The following ITPRIP variants were observed in gnomAD, a reference collection of about 807,000 sequenced individuals.
ITPRIP encodes inositol 1,4,5-trisphosphate receptor interacting protein, also known as inositol 1,4,5-trisphosphate receptor-interacting protein.
In ITPRIP, 32 loss-of-function variants were observed where a neutral mutation model predicts 35.8. The observed-to-expected ratio is 0.89, with a 90% confidence interval of 0.68 to 1.20. The LOEUF (loss-of-function observed/expected upper bound fraction) is 1.20, where lower values mean the gene tolerates loss of function less well. Ranked by LOEUF, ITPRIP falls within the 50% of genes most tolerant of loss-of-function variation. ITPRIP has a pLI of 0.00. For missense variants in ITPRIP, 653 were observed against 735.6 expected, an observed-to-expected ratio of 0.89 and a Z score of 1.30; for synonymous variants, 358 against 324.0, an observed-to-expected ratio of 1.11 and a Z score of -1.13.
At chr10:104,320,103 T>C (rs1370273197) in intron 1 of ITPRIP, among the ~76,000 whole-genome samples, 1 of 152,204 alleles carries the variant, frequency 6.6e-6, no homozygotes, top group African/African-American at 2.4e-5. Flanking sequence ...ATCTACATTC[T>C]GTACAGAATC....
At chr10:104,327,467 C>A (rs2014049627) in intron 1 of ITPRIP, among the ~76,000 whole-genome samples, 1 of 152,174 alleles carries the variant, frequency 6.6e-6, no homozygotes, top group South Asian at 2.1e-4. Context: ...CTGCACCTCC[C>A]CACCATTCCT....
intron 1 of ITPRIP, among the ~76,000 whole-genome samples, chr10:104,330,605 C>A (rs1323439144): frequency 6.6e-6 from 1 of 152,220 alleles, no homozygotes. Context: ...AGAGAAGGAG[C>A]AGAGAAGTAA....
rs370025233 is a variant in ITPRIP, at chr10:104,314,822, C to T, written c.1230G>A (p.Gln410=). ...GCTTGGAGAGCAGGAAGGATGCTAT[C>T]TGCAGGCAGCTGAGGTGGCAGGCGC... The part of the protein sequence containing the change: ...PEGACHLSCL[Q]IASFLLSKQS... The change falls in exon 2 of 2, where the codon CAG becomes CAA. Residue 410 remains glutamine, a synonymous_variant. Transcript: ENST00000337478. 15 of 1,613,794 alleles carry T rather than the reference C, an allele frequency of 9.3e-6. No individual in the cohort carries two copies. In the African/African-American group the frequency reaches 1.9e-4, roughly 20 times the overall value.
intron 1 of ITPRIP, among the ~76,000 whole-genome samples, chr10:104,317,080 ATCC>A (rs1481386904): frequency 2.0e-5 from 3 of 152,208 alleles, no homozygotes; most frequent in Admixed American, 1.3e-4. Context: ...TTGAGCCCTT[ATCC>A]TCCTCTTCTG....
In ITPRIP at chr10:104,328,358, G is replaced by T. The variant is rs1409243012; in HGVS notation, c.-14+9888C>A. On this transcript the variant is annotated intron_variant, in intron 1 of 1. Coordinates refer to ENST00000337478, the MANE Select transcript of ITPRIP (RefSeq NM_001272013.2). The surrounding 1 kb of genome is among the most constrained non-coding windows in gnomAD (Gnocchi z 4.1). The stretch of plus-strand genomic sequence containing the variant: ...GGAGAGAGCATGAATACCCACCTTG[G>T]GGCAGGACATGCCAGAGTTCCCAAG... 1 of 905,978 alleles carries T rather than the reference G, an allele frequency of 1.1e-6. No individual in the cohort carries two copies. Among genetic ancestry groups the T allele is most frequent in the Non-Finnish European group, 1.3e-6 (1 of 758,814 alleles). The allele number at this position is 905,978 out of a possible 1,614,324, so 56.1% of individuals were successfully genotyped here.
At chr10:104,336,230 C>A (rs1266708831) in intron 1 of ITPRIP, among the ~76,000 whole-genome samples, 1 of 152,134 alleles carries the variant, frequency 6.6e-6, no homozygotes, top group East Asian at 1.9e-4. Flanking sequence ...ATGAACAGTT[C>A]TCAGCATCCT....
rs2014066302 is a variant in ITPRIP, at chr10:104,328,022, TC to T, written c.-14+10223del. On this transcript the variant is annotated intron_variant, in intron 1 of 1. Transcript: ENST00000337478. This position sits in a 1 kb window ranked among gnomAD's most constrained non-coding sequence, Gnocchi z 4.1. ...CAGAGCAACTGGCATAGACCTGCGCTCCGTGCTAAGGACACACACTATCCTG... is the reference window on the plus strand; with the variant it reads ...CAGAGCAACTGGCATAGACCTGCGCTCGTGCTAAGGACACACACTATCCTG... Among the ~76,000 whole-genome samples, 1 of 152,138 alleles carries T rather than the reference TC, an allele frequency of 6.6e-6. No homozygotes were observed. The highest frequency in any genetic ancestry group is 2.4e-5 in the African/African-American group (1 of 41,434).
At position 104,328,624 on chromosome 10, in the gene ITPRIP, A is replaced by T. The variant is rs767233324; in HGVS notation, c.-14+9622T>A. ...GAGGGAACAAAGCCCTCCCTTGGCC[A>T]CTCCCCGCCCCCTTCCACTTTCCCC... On this transcript the variant is annotated intron_variant, in intron 1 of 1. Coordinates refer to ENST00000337478, the MANE Select transcript of ITPRIP (RefSeq NM_001272013.2). The surrounding 1 kb of genome is among the most constrained non-coding windows in gnomAD (Gnocchi z 4.1). Among the ~76,000 whole-genome samples the T allele has an allele frequency of 4.0e-5, 6 of 151,304 alleles. No homozygotes were observed. Among genetic ancestry groups the T allele is most frequent in the Admixed American group, 1.3e-4 (2 of 15,186 alleles).
chr10:104,325,470 CCA>C (rs1287824443), intron 1 of ITPRIP, among the ~76,000 whole-genome samples: 12 of 152,344 alleles, frequency 7.9e-5, no homozygotes, highest in Admixed American at 7.2e-4. Context: ...GCCCCAGCAG[CCA>C]CATTCGGAAT....
chr10:104,314,780 A>G lies in ITPRIP; in HGVS notation c.1272T>C (p.Gly424=), dbSNP rs752976549. 1.9e-5 allele frequency: 31 copies of G among 1,613,800 alleles called. No individual in the cohort carries two copies. The highest frequency in any genetic ancestry group is 2.3e-5 in the Non-Finnish European group (27 of 1,180,016). ...GGTGGTAGCTGCTGAGCCCGCTGGGACCGGTCAGGCGGCTCTGCTTGGAGA... is the reference window on the plus strand; with the variant it reads ...GGTGGTAGCTGCTGAGCCCGCTGGGGCCGGTCAGGCGGCTCTGCTTGGAGA... The part of the protein sequence containing the change: ...FLLSKQSRLT[G]PSGLSSYHLK... Residue 424 remains glycine (G), a synonymous_variant, in exon 2 of 2, where the codon GGT becomes GGC. Transcript: ENST00000337478.
At chr10:104,321,852 T>C (rs942396786) in intron 1 of ITPRIP, among the ~76,000 whole-genome samples, 6 of 152,134 alleles carry the variant, frequency 3.9e-5, no homozygotes, top group African/African-American at 1.4e-4. Context: ...TTCAAGCTCA[T>C]TCTGTCTGTC....
intron 1 of ITPRIP, among the ~76,000 whole-genome samples, chr10:104,335,933 A>G (rs966789779): frequency 8.6e-5 from 7 of 81,018 alleles, no homozygotes; most frequent in African/African-American, 1.2e-4. Context: ...ACTTTTGGGG[A>G]AAAAAAAAAA....
intron 1 of ITPRIP, among the ~76,000 whole-genome samples, chr10:104,336,825 T>G (rs1589898268): frequency 6.6e-6 from 1 of 152,222 alleles, no homozygotes. Flanking sequence ...AACTCAGTCA[T>G]GCAAAAAACA....
At chr10:104,335,553 T>C (rs1354229823) in intron 1 of ITPRIP, among the ~76,000 whole-genome samples, 1 of 152,144 alleles carries the variant, frequency 6.6e-6, no homozygotes, top group East Asian at 1.9e-4. Flanking sequence ...GGAAAGTCAC[T>C]TGATTCTTGG....
At position 104,328,487 on chromosome 10, in the gene ITPRIP, G is replaced by C. The variant is rs866425397; in HGVS notation, c.-14+9759C>G. On this transcript the variant is annotated intron_variant, in intron 1 of 1. Coordinates refer to ENST00000337478, the MANE Select transcript of ITPRIP (RefSeq NM_001272013.2). The surrounding 1 kb of genome is among the most constrained non-coding windows in gnomAD (Gnocchi z 4.1). ...AACCACACTTTCTCAGTGGGACAGG[G>C]AGGGGAGGCTGCACGCTTAGACGCA... 1.3e-5 allele frequency among the ~76,000 whole-genome samples: 2 copies of C among 152,178 alleles called. No homozygotes were observed. Among genetic ancestry groups the C allele is most frequent in the Non-Finnish European group, 2.9e-5 (2 of 68,034 alleles).
chr10:104,321,685 G>C (rs1248054508), intron 1 of ITPRIP, among the ~76,000 whole-genome samples: 3 of 150,528 alleles, frequency 2.0e-5, no homozygotes, highest in Non-Finnish European at 3.0e-5. Context: ...ACTAACCACT[G>C]TAAGTTTCTT....
At chr10:104,337,376 G>T (rs1456986668) in intron 1 of ITPRIP, among the ~76,000 whole-genome samples, 1 of 152,180 alleles carries the variant, frequency 6.6e-6, no homozygotes, top group African/African-American at 2.4e-5. Context: ...ACCAGTATCT[G>T]GTACTCTACT....
chr10:104,313,321 C>T lies in ITPRIP; in HGVS notation c.*1087G>A. ...CCACCCCGGGTAGCATTTTTGAGCA[C>T]CTCATCGAAGGAGTCTACTGTCTTA... On this transcript the variant is annotated 3_prime_UTR_variant, in exon 2 of 2. Coordinates refer to ENST00000337478, the MANE Select transcript of ITPRIP (RefSeq NM_001272013.2). The T allele has an allele frequency of 3.0e-6, 3 of 986,270 alleles. No individual in the cohort carries two copies. Among genetic ancestry groups the T allele is most frequent in the Non-Finnish European group, 3.6e-6 (3 of 830,490 alleles). 61.1% of individuals were successfully genotyped at this position (986,270 alleles called of 1,614,324 possible). A position where few individuals can be genotyped will look rare whatever the true frequency, so the allele number is the denominator to read the frequency against.
At position 104,311,722 on chromosome 10, in the gene ITPRIP, T is replaced by C. The variant is rs2013493741; in HGVS notation, c.*2686A>G. The C allele has an allele frequency of 6.6e-6, 1 of 152,262 alleles. No homozygotes were observed. The highest frequency in any genetic ancestry group is 1.5e-5 in the Non-Finnish European group (1 of 68,058). The allele number at this position is 152,262 out of a possible 1,614,324, so 9.4% of individuals were successfully genotyped here. ...TCAAGCATCCTTGGGAAAGAGACTC[T>C]GGGGAAAGAGGGCAGGGTTGTCCTT... On this transcript the variant is annotated 3_prime_UTR_variant, in exon 2 of 2. Transcript: ENST00000337478.
Sources: gnomAD v4.1 joint callset for allele counts (sites outside exome capture counted in the v4.1 genomes callset) on GRCh38, gnomAD v4.1.1 for gene constraint, Gnocchi (gnomAD v3.1) non-coding constraint, MANE v1.5 for transcripts, NCBI Gene and HGNC (gene_info 2026-07-23, HGNC 2026-07-21) for gene names.